CNTNAP2: variants seen among roughly 807,000 people sequenced by gnomAD.
CNTNAP2 encodes the protein contactin-associated protein-like 2.
In CNTNAP2, 98 loss-of-function variants were observed where a neutral mutation model predicts 155.2. That is an observed-to-expected ratio of 0.63 (90% CI 0.54 to 0.75). The LOEUF is 0.75. CNTNAP2 is among the 30% of genes least tolerant of loss of function. The probability of loss-of-function intolerance (pLI) is 0.00; values close to 1 mark genes in which losing one functional copy is unlikely to be tolerated. For missense variants in CNTNAP2, 1,727 were observed against 1,688.1 expected (o/e 1.02, Z -0.40); for synonymous variants, 651 against 631.2 (o/e 1.03, Z -0.47).
chr7:146,733,350 C>G (rs956300756), intron 1 of CNTNAP2, among the ~76,000 whole-genome samples: 1 of 151,982 alleles, frequency 6.6e-6, no homozygotes, highest in Non-Finnish European at 1.5e-5. Context: ...GGGGATGAAG[C>G]ATTATTCTTT....
intron 12 of CNTNAP2, among the ~76,000 whole-genome samples, chr7:147,578,749 T>G (rs528099284): frequency 1.1e-4 from 16 of 152,046 alleles, no homozygotes; most frequent in Non-Finnish European, 2.4e-4. Flanking sequence ...CAATATCAAC[T>G]TTTCATTTAG....
chr7:148,407,618 C>A (rs1351699227), intron 22 of CNTNAP2, among the ~76,000 whole-genome samples: 3 of 149,036 alleles, frequency 2.0e-5, no homozygotes, highest in Non-Finnish European at 4.4e-5. Flanking sequence ...GCAGGAGGAA[C>A]ACTTGAGCCT....
chr7:147,603,644 G>C (rs1801001897), intron 12 of CNTNAP2, among the ~76,000 whole-genome samples: 1 of 152,080 alleles, frequency 6.6e-6, no homozygotes. Flanking sequence ...TGGCCATACT[G>C]CCCAAGCTAA....
chr7:148,284,700 CAT>C (rs1055950091), intron 21 of CNTNAP2, among the ~76,000 whole-genome samples: 24 of 151,912 alleles, frequency 1.6e-4, no homozygotes, highest in African/African-American at 5.3e-4. Context: ...GGAAGGGGAA[CAT>C]AACATGTTTC....
At chr7:146,394,985 G>A (rs1037591309) in intron 1 of CNTNAP2, among the ~76,000 whole-genome samples, 3 of 152,172 alleles carry the variant, frequency 2.0e-5, no homozygotes, top group African/African-American at 7.2e-5. Flanking sequence ...GTGAGAGCAT[G>A]TGGTATTTGA....
At chr7:147,106,267 T>A (rs1214509948) in intron 4 of CNTNAP2, among the ~76,000 whole-genome samples, 1 of 152,152 alleles carries the variant, frequency 6.6e-6, no homozygotes, top group African/African-American at 2.4e-5. Context: ...CATCTGTTTT[T>A]CTTTTATTCA....
At chr7:147,194,054 T>C (rs1413548677) in intron 8 of CNTNAP2, among the ~76,000 whole-genome samples, 3 of 151,958 alleles carry the variant, frequency 2.0e-5, no homozygotes, top group East Asian at 1.9e-4. Context: ...CTGTACCTAT[T>C]GACCCCTCCT....
At chr7:147,388,059 T>G (rs1182240637) in intron 9 of CNTNAP2, among the ~76,000 whole-genome samples, 1 of 152,232 alleles carries the variant, frequency 6.6e-6, no homozygotes, top group African/African-American at 2.4e-5. Flanking sequence ...GGCAGACTCT[T>G]GGATTCCTAC....
At position 147,604,232 on chromosome 7, in the gene CNTNAP2, T is replaced by C. The variant is rs543000954; in HGVS notation, c.1898-34874T>C. 5.5e-3 allele frequency among the ~76,000 whole-genome samples: 839 copies of C among 151,468 alleles called. 16 individuals are homozygous for C. The highest frequency in any genetic ancestry group is 0.019 in the African/African-American group (802 of 41,232). On this transcript the variant is annotated intron_variant, in intron 12 of 23. Transcript: ENST00000361727. The stretch of plus-strand genomic sequence containing the variant: ...GCCAAAATTGACAAATGGGATCTAA[T>C]TAAACTAAAGAGCTTCTGCACAGCA...
intron 1 of CNTNAP2, among the ~76,000 whole-genome samples, chr7:146,527,663 T>A (rs1190110412): frequency 6.6e-6 from 1 of 151,992 alleles, no homozygotes; most frequent in Non-Finnish European, 1.5e-5. Context: ...TGCATCAGAA[T>A]CCATGTAGGA....
At chr7:147,492,088 G>C (rs903926941) in intron 11 of CNTNAP2, among the ~76,000 whole-genome samples, 10 of 152,176 alleles carry the variant, frequency 6.6e-5, no homozygotes, top group African/African-American at 2.4e-4. Context: ...GGCACCAGGG[G>C]CCAGGTTCAT....
chr7:147,852,403 G>A, intron 13 of CNTNAP2, among the ~76,000 whole-genome samples: 1 of 152,240 alleles, frequency 6.6e-6, no homozygotes, highest in South Asian at 2.1e-4. Context: ...TGATCTACGA[G>A]TGACTTAGCA....
At chr7:147,972,151 T>G (rs1210061275) in intron 14 of CNTNAP2, among the ~76,000 whole-genome samples, 1 of 152,220 alleles carries the variant, frequency 6.6e-6, no homozygotes, top group Non-Finnish European at 1.5e-5. Flanking sequence ...TGTACTTATA[T>G]CTATGAGATA....
chr7:148,200,662 C>G (rs1425527757), intron 18 of CNTNAP2, among the ~76,000 whole-genome samples: 2 of 152,132 alleles, frequency 1.3e-5, no homozygotes, highest in Non-Finnish European at 2.9e-5. Flanking sequence ...AATACACCTA[C>G]GATGCTACCA....
intron 1 of CNTNAP2, among the ~76,000 whole-genome samples, chr7:146,284,027 T>G (rs1292620215): frequency 6.6e-6 from 1 of 152,210 alleles, no homozygotes; most frequent in Non-Finnish European, 1.5e-5. Context: ...CAATGATGAT[T>G]TACAAGAGAT....
At chr7:146,360,352 A>G (rs972121911) in intron 1 of CNTNAP2, among the ~76,000 whole-genome samples, 2 of 152,210 alleles carry the variant, frequency 1.3e-5, no homozygotes, top group Non-Finnish European at 2.9e-5. Flanking sequence ...TGATTAGTTA[A>G]CTAATTCATA....
intron 9 of CNTNAP2, among the ~76,000 whole-genome samples, chr7:147,306,798 G>C (rs925154189): frequency 6.6e-6 from 1 of 152,062 alleles, no homozygotes; most frequent in Non-Finnish European, 1.5e-5. Context: ...AGGAACAAAG[G>C]AATTTGTAAC....
In CNTNAP2 at chr7:147,910,755, G is replaced by C. The variant is rs911536689; in HGVS notation, c.2255+7034G>C. Among the ~76,000 whole-genome samples, 3 of 152,224 alleles carry C rather than the reference G, an allele frequency of 2.0e-5. No homozygotes were observed. The East Asian group carries it at 5.8e-4, about 29-fold the overall frequency. ...TCATGAGACTTAGTCCCTACCAGGA[G>C]AACAGTATGGGGGATACCACCCCCA... On this transcript the variant is annotated intron_variant, in intron 14 of 23. Coordinates refer to ENST00000361727, the MANE Select transcript of CNTNAP2 (RefSeq NM_014141.6).
chr7:146,797,772 G>A (rs1484774132), intron 2 of CNTNAP2, among the ~76,000 whole-genome samples: 1 of 152,128 alleles, frequency 6.6e-6, no homozygotes, highest in Non-Finnish European at 1.5e-5. Context: ...CCTGGCAGCT[G>A]CAGCATTCAA....
Sources: gnomAD v4.1 joint callset for allele counts (sites outside exome capture counted in the v4.1 genomes callset) on GRCh38, gnomAD v4.1.1 for gene constraint, MANE v1.5 for transcripts, NCBI Gene and HGNC (gene_info 2026-07-23, HGNC 2026-07-21) for gene names.